Variants in GRK5 observed in about 807,000 individuals in gnomAD.
GRK5 encodes the protein G protein-coupled receptor kinase 5.
GRK5 carries 40 observed loss-of-function variants against 78.4 expected under a neutral mutation model. The observed-to-expected ratio is 0.51, with a 90% confidence interval of 0.40 to 0.66. The LOEUF is 0.66. Ranked by LOEUF, GRK5 falls within the 30% of genes least tolerant of loss-of-function variation. The pLI is 0.00. For missense variants in GRK5, 598 were observed against 759.9 expected (o/e 0.79, Z 2.50); for synonymous variants, 289 against 296.8 (o/e 0.97, Z 0.27).
intron 2 of GRK5, among the ~76,000 whole-genome samples, chr10:119,357,063 G>A (rs1326956277): frequency 1.3e-5 from 2 of 152,244 alleles, no homozygotes; most frequent in East Asian, 3.8e-4. Flanking sequence ...AAAGTGAGGT[G>A]TGAAGGTGGC....
At chr10:119,441,349 T>G (rs2133906349) in intron 10 of GRK5, among the ~76,000 whole-genome samples, 2 of 152,268 alleles carry the variant, frequency 1.3e-5, no homozygotes, top group African/African-American at 4.8e-5. Flanking sequence ...GGGGACGTGT[T>G]CCTTCCTGTG....
chr10:119,300,645 G>A (rs980515376), intron 1 of GRK5, among the ~76,000 whole-genome samples: 1 of 152,232 alleles, frequency 6.6e-6, no homozygotes, highest in African/African-American at 2.4e-5. Flanking sequence ...AGGACTTTGG[G>A]AGATGATCTC....
intron 1 of GRK5, among the ~76,000 whole-genome samples, chr10:119,275,070 A>C (rs1038797997): frequency 6.6e-6 from 1 of 152,288 alleles, no homozygotes; most frequent in South Asian, 2.1e-4. Context: ...GGTTTGGGGA[A>C]GATTGAGAGC....
intron 1 of GRK5, among the ~76,000 whole-genome samples, chr10:119,265,539 A>G (rs1490153900): frequency 6.6e-6 from 1 of 152,206 alleles, no homozygotes; most frequent in African/African-American, 2.4e-5. Flanking sequence ...AGGACGCAGT[A>G]AGAAGGTGGC....
intron 1 of GRK5, among the ~76,000 whole-genome samples, chr10:119,228,209 G>T (rs1477413012): frequency 1.3e-5 from 2 of 152,078 alleles, no homozygotes; most frequent in Non-Finnish European, 2.9e-5. Context: ...GCTGGGCATG[G>T]TGGTGTGCGC....
In GRK5 at chr10:119,394,325, T is replaced by G. The variant is rs1279206437; in HGVS notation, c.262-2370T>G. ...GTCTGTGTGGGCACGTGGGTGTGTG[T>G]ATCTGTGTGTCTGTGTGTGGGCATG... On this transcript the variant is annotated intron_variant, in intron 3 of 15. Transcript: ENST00000392870. Among the ~76,000 whole-genome samples, 228 of 108,876 alleles carry G rather than the reference T, an allele frequency of 2.1e-3. 35 individuals carry two copies. The highest frequency in any genetic ancestry group is 9.6e-3 in the Middle Eastern group (2 of 208). The allele number at this position is 108,876 out of a possible 152,430, so 71.4% of individuals were successfully genotyped here. A position where few individuals can be genotyped will look rare whatever the true frequency, so the allele number is the denominator to read the frequency against.
At chr10:119,390,649 T>A (rs1170002076) in intron 3 of GRK5, among the ~76,000 whole-genome samples, 1 of 152,074 alleles carries the variant, frequency 6.6e-6, no homozygotes, top group African/African-American at 2.4e-5. Context: ...GAGCCGAGAT[T>A]GCACCACTGC....
intron 1 of GRK5, among the ~76,000 whole-genome samples, chr10:119,287,565 T>G (rs1849875901): frequency 6.6e-6 from 1 of 152,204 alleles, no homozygotes; most frequent in South Asian, 2.1e-4. Flanking sequence ...AAAAAATGCC[T>G]GTTTTCACTC....
chr10:119,396,813 G>T (rs752827874), intron 4 of GRK5, 41 bp downstream of exon 4: 8 of 1,485,788 alleles, frequency 5.4e-6, no homozygotes, highest in Non-Finnish European at 4.7e-6. Flanking sequence ...GGCACAGGAG[G>T]CCTTATGCAA....
chr10:119,240,507 A>G (rs1400494683), intron 1 of GRK5, among the ~76,000 whole-genome samples: 1 of 151,676 alleles, frequency 6.6e-6, no homozygotes, highest in Non-Finnish European at 1.5e-5. Context: ...GGCCTTCCCA[A>G]CTTTTTAATG....
intron 8 of GRK5, among the ~76,000 whole-genome samples, chr10:119,434,470 T>G (rs1005167970): frequency 7.2e-5 from 11 of 151,928 alleles, no homozygotes; most frequent in Non-Finnish European, 1.5e-4. Flanking sequence ...ATGGGTGAAA[T>G]TGGCCAAAAC....
chr10:119,311,711 A>G (rs985713833), intron 1 of GRK5, among the ~76,000 whole-genome samples: 1 of 151,652 alleles, frequency 6.6e-6, no homozygotes, highest in Non-Finnish European at 1.5e-5. Flanking sequence ...GCTTGAACCC[A>G]GTGAGTGGAG....
intron 2 of GRK5, among the ~76,000 whole-genome samples, chr10:119,376,327 C>T (rs538149806): frequency 1.2e-3 from 190 of 152,292 alleles, no homozygotes; most frequent in African/African-American, 4.4e-3. Flanking sequence ...GATCAGTAAC[C>T]GGCCAGTGGG....
intron 4 of GRK5, among the ~76,000 whole-genome samples, chr10:119,408,788 A>G (rs1852286676): frequency 6.6e-6 from 1 of 152,232 alleles, no homozygotes; most frequent in Admixed American, 6.5e-5. Context: ...GATGGTTGCC[A>G]TGATGAACGT....
chr10:119,295,380 T>C (rs1049140296), intron 1 of GRK5, among the ~76,000 whole-genome samples: 1 of 151,798 alleles, frequency 6.6e-6, no homozygotes, highest in Admixed American at 6.6e-5. Flanking sequence ...GAATGTAAAC[T>C]AGTACAGCCA....
At chr10:119,356,336 G>C (rs1006830005) in intron 2 of GRK5, among the ~76,000 whole-genome samples, 24 of 152,202 alleles carry the variant, frequency 1.6e-4, no homozygotes, top group African/African-American at 5.3e-4. Flanking sequence ...TAGTTAAGTT[G>C]AATGTTAGTG....
intron 1 of GRK5, among the ~76,000 whole-genome samples, chr10:119,258,636 C>A (rs1355009088): frequency 2.0e-5 from 3 of 152,172 alleles, no homozygotes; most frequent in Non-Finnish European, 1.5e-5. Flanking sequence ...TTGCAAGGAA[C>A]AAAGACTCTG....
Position 119,238,631 on chromosome 10 carries a change from G to T in GRK5, c.52+30662G>T, listed in dbSNP as rs557492567. 1.8e-4 allele frequency among the ~76,000 whole-genome samples: 27 copies of T among 152,298 alleles called. No homozygotes were observed. The highest frequency in any genetic ancestry group is 6.2e-4 in the South Asian group (3 of 4,822). ...TGTAGGGTTCGCGCCGTTGACCTGA[G>T]CTTCAGTGCCAGAGAGTCGAGCAAA... On this transcript the variant is annotated intron_variant, in intron 1 of 15. Transcript: ENST00000392870. The surrounding 1 kb of genome is among the most constrained non-coding windows in gnomAD (Gnocchi z 4.7).
chr10:119,249,978 C>T (rs1249217981), intron 1 of GRK5, among the ~76,000 whole-genome samples: 1 of 152,204 alleles, frequency 6.6e-6, no homozygotes, highest in Non-Finnish European at 1.5e-5. Context: ...ATGCTCCCAA[C>T]AGTGGAGTCT....
Sources: gnomAD v4.1 joint callset for allele counts (sites outside exome capture counted in the v4.1 genomes callset) on GRCh38, gnomAD v4.1.1 for gene constraint, Gnocchi (gnomAD v3.1) non-coding constraint, MANE v1.5 for transcripts, NCBI Gene and HGNC (gene_info 2026-07-23, HGNC 2026-07-21) for gene names.